Variants in TCF7L1 observed in about 807,000 individuals in gnomAD.
TCF7L1 encodes transcription factor 7-like 1.
TCF7L1 carries 18 observed loss-of-function variants against 63.7 expected under a neutral mutation model. That is an observed-to-expected ratio of 0.28 (90% CI 0.20 to 0.42). TCF7L1 has a LOEUF of 0.42. TCF7L1 is among the 10% of genes least tolerant of loss of function. TCF7L1 has a pLI of 1.00. For missense variants in TCF7L1, 654 were observed against 779.3 expected (o/e 0.84, Z 1.91); for synonymous variants, 355 against 340.9 (o/e 1.04, Z -0.46).
chr2:85,303,887 G>A lies in TCF7L1; in HGVS notation c.659-8G>A. The stretch of plus-strand genomic sequence containing the variant: ...GGAACAGTCTGACATATCTCTCTTT[G>A]GAAGCAGGAATCCCCCGGCCCCCTC... On this transcript the variant is annotated splice_polypyrimidine_tract_variant and splice_region_variant and intron_variant, in intron 5 of 11. Coordinates refer to ENST00000282111, the MANE Select transcript of TCF7L1 (RefSeq NM_031283.3). 6.2e-7 allele frequency: 1 copy of A among 1,603,018 alleles called. No homozygotes were observed. The highest frequency in any genetic ancestry group is 1.3e-5 in the African/African-American group (1 of 74,810).
chr2:85,299,897 ACACACACT>A (rs1443269525), intron 4 of TCF7L1, among the ~76,000 whole-genome samples: 2 of 149,216 alleles, frequency 1.3e-5, no homozygotes, highest in African/African-American at 4.9e-5. Context: ...ACACACACAC[ACACACACT>A]GATGCCCAGA....
chr2:85,168,192 A>AACACACACACACACACACACACACAC (rs55736939), intron 3 of TCF7L1, among the ~76,000 whole-genome samples: 7 of 145,604 alleles, frequency 4.8e-5, no homozygotes, highest in African/African-American at 1.5e-4. Context: ...GTTCTTACCA[A>AACACACACACACACACACACACACAC]ACACACACAC....
chr2:85,233,249 A>G (rs1228797011), intron 3 of TCF7L1, among the ~76,000 whole-genome samples: 2 of 150,366 alleles, frequency 1.3e-5, no homozygotes, highest in South Asian at 2.1e-4. Flanking sequence ...ATTCTTCTTC[A>G]TTTTCTCCTG....
At chr2:85,201,727 A>T (rs1289225482) in intron 3 of TCF7L1, among the ~76,000 whole-genome samples, 1 of 152,150 alleles carries the variant, frequency 6.6e-6, no homozygotes, top group Non-Finnish European at 1.5e-5. Flanking sequence ...TCAGCAGTGT[A>T]TGAGGGTTCC....
intron 3 of TCF7L1, among the ~76,000 whole-genome samples, chr2:85,231,798 G>T (rs1452368613): frequency 6.6e-6 from 1 of 152,198 alleles, no homozygotes; most frequent in Non-Finnish European, 1.5e-5. Context: ...TTAACCTTGT[G>T]TTGGTGGGTT....
chr2:85,255,574 C>T lies in TCF7L1; in HGVS notation c.442-27921C>T, dbSNP rs191111066. On this transcript the variant is annotated intron_variant, in intron 3 of 11. Coordinates refer to ENST00000282111, the MANE Select transcript of TCF7L1 (RefSeq NM_031283.3). ...TTCCTGTTCTGTCCCCTGAGAGCTC[C>T]GCTTTGCCGGGAGAAAGGAGAAGCC... 3.3e-3 allele frequency among the ~76,000 whole-genome samples: 496 copies of T among 152,310 alleles called. 5 individuals carry two copies. Among genetic ancestry groups the T allele is most frequent in the Middle Eastern group, 3.4e-3 (1 of 294 alleles).
chr2:85,162,860 T>C (rs533604369), intron 3 of TCF7L1, among the ~76,000 whole-genome samples: 11 of 152,262 alleles, frequency 7.2e-5, no homozygotes, highest in African/African-American at 2.4e-4. Context: ...GATGTTTTAG[T>C]GAAAGGGAGA....
rs55736939 is a variant in TCF7L1, at chr2:85,168,192, AACACACACACAC to A, written c.441+33762_441+33773del. 4.7e-4 allele frequency among the ~76,000 whole-genome samples: 68 copies of A among 145,698 alleles called. 1 individual carries two copies. Among genetic ancestry groups the A allele is most frequent in the African/African-American group, 1.5e-3 (61 of 39,552 alleles). ...AATCTCATGTTAAGTGTTCTTACCA[AACACACACACAC>A]ACACACACACACACACACAAAGGGA... On this transcript the variant is annotated intron_variant, in intron 3 of 11. Coordinates refer to ENST00000282111, the MANE Select transcript of TCF7L1 (RefSeq NM_031283.3).
intron 4 of TCF7L1, among the ~76,000 whole-genome samples, chr2:85,292,600 A>G (rs1361936687): frequency 6.6e-6 from 1 of 152,104 alleles, no homozygotes; most frequent in African/African-American, 2.4e-5. Flanking sequence ...TTTTTAAGAC[A>G]GGGTCTTGCT....
chr2:85,279,465 T>C (rs10165984), intron 3 of TCF7L1, among the ~76,000 whole-genome samples: 42,174 of 152,098 alleles, frequency 0.28, 6,216 homozygotes, highest in East Asian at 0.57. Flanking sequence ...CTAGGCCTGA[T>C]GCTAGGAATT....
intron 3 of TCF7L1, among the ~76,000 whole-genome samples, chr2:85,147,831 T>C (rs1374054206): frequency 1.3e-5 from 2 of 152,148 alleles, no homozygotes; most frequent in African/African-American, 4.8e-5. Flanking sequence ...GGGTGTAACT[T>C]TACATTGGAT....
chr2:85,288,902 A>T (rs1488949050), intron 4 of TCF7L1, among the ~76,000 whole-genome samples: 1 of 152,120 alleles, frequency 6.6e-6, no homozygotes, highest in East Asian at 1.9e-4. Flanking sequence ...AAACACATAT[A>T]TGCCCCTCTA....
intron 3 of TCF7L1, among the ~76,000 whole-genome samples, chr2:85,179,406 C>G (rs1678749089): frequency 6.6e-6 from 1 of 152,062 alleles, no homozygotes. Flanking sequence ...GGGGTGGGGC[C>G]CTGAGAATTT....
chr2:85,140,659 G>A (rs148177754), intron 3 of TCF7L1, among the ~76,000 whole-genome samples: 2 of 152,288 alleles, frequency 1.3e-5, no homozygotes, highest in Non-Finnish European at 2.9e-5. Flanking sequence ...AATCAGCTGG[G>A]CGTGGTGGCA....
rs962359734 is a variant in TCF7L1 at position 85,134,047 on chromosome 2, C to G, written c.281C>G (p.Thr94Ser). 5.0e-6 allele frequency: 8 copies of G among 1,611,244 alleles called. No individual in the cohort carries two copies. Among genetic ancestry groups the G allele is most frequent in the East Asian group, 4.5e-5 (2 of 44,606 alleles). Residue 94 changes from threonine to serine, a missense_variant, in exon 2 of 12, where the codon ACT becomes AGT. Physicochemically the swap from Thr to Ser is moderately conservative, Grantham distance 58. Coordinates refer to ENST00000282111, the MANE Select transcript of TCF7L1 (RefSeq NM_031283.3). This position sits in a 1 kb window ranked among gnomAD's most constrained non-coding sequence, Gnocchi z 5.0. ...AGGCGCCCGCAGCCCGTCCGGGACA[C>G]TTTCCAGAAGCCGCGGGACTATTTC... ...AERRPQPVRDTFQKPRDYFAE... is the reference protein window; with the variant it reads ...AERRPQPVRDSFQKPRDYFAE...
chr2:85,203,127 G>C (rs765017227), intron 3 of TCF7L1, among the ~76,000 whole-genome samples: 8 of 152,090 alleles, frequency 5.3e-5, no homozygotes, highest in African/African-American at 1.9e-4. Context: ...GAGCCACCGC[G>C]CCCGCCCAGT....
intron 4 of TCF7L1, among the ~76,000 whole-genome samples, chr2:85,291,883 T>C (rs543465025): frequency 3.5e-4 from 53 of 152,082 alleles, no homozygotes; most frequent in African/African-American, 1.3e-3. Context: ...TTTTATTATT[T>C]GTTGTAGAGA....
intron 4 of TCF7L1, among the ~76,000 whole-genome samples, chr2:85,288,125 G>A (rs1326996526): frequency 1.3e-5 from 2 of 152,076 alleles, no homozygotes; most frequent in African/African-American, 4.8e-5. Context: ...AAAGAACAAC[G>A]AAAATACTGT....
chr2:85,220,443 A>G (rs561523429), intron 3 of TCF7L1, among the ~76,000 whole-genome samples: 1 of 151,510 alleles, frequency 6.6e-6, no homozygotes, highest in Admixed American at 6.6e-5. Context: ...ATGTCAGCTC[A>G]CTGCAACCTC....
Sources: allele counts gnomAD v4.1 joint callset (sites outside exome capture counted in the v4.1 genomes callset), GRCh38; gene constraint gnomAD v4.1.1; non-coding constraint Gnocchi (gnomAD v3.1); transcripts MANE v1.5; gene names NCBI Gene and HGNC (gene_info 2026-07-23, HGNC 2026-07-21).